CEP170: variants seen among roughly 807,000 people sequenced by gnomAD.
CEP170 encodes the protein centrosomal protein of 170 kDa.
Under a neutral mutation model 151.9 loss-of-function variants are expected in CEP170, and 21 were observed. That is an observed-to-expected ratio of 0.14 (90% CI 0.10 to 0.20). The LOEUF (loss-of-function observed/expected upper bound fraction) is 0.20, where lower values mean the gene tolerates loss of function less well. Among genes scored for constraint, CEP170 ranks in the 10% least tolerant of loss-of-function variants. The pLI, the probability that CEP170 is intolerant of heterozygous loss-of-function variation, is 1.00. For synonymous variants in CEP170, 356 were observed against 648.8 expected (o/e 0.55, Z 6.86); for missense variants, 964 against 1,892.9 (o/e 0.51, Z 9.11).
At chr1:243,171,766 C>G (rs1408574096) in intron 11 of CEP170, among the ~76,000 whole-genome samples, 3 of 152,162 alleles carry the variant, frequency 2.0e-5, no homozygotes, top group Non-Finnish European at 4.4e-5. Context: ...TTATATACTT[C>G]ATTAAATTCT....
chr1:243,163,804 TATTTC>T (rs1209882298), intron 13 of CEP170, among the ~76,000 whole-genome samples: 1 of 152,248 alleles, frequency 6.6e-6, no homozygotes, highest in Non-Finnish European at 1.5e-5. Flanking sequence ...AAACATTGAT[TATTTC>T]ATTTAACTCT....
At position 243,124,972 on chromosome 1, in the gene CEP170, C is replaced by T. The variant is rs948793523; in HGVS notation, c.*1477G>A. 3 of 151,686 alleles carry T rather than the reference C, an allele frequency of 2.0e-5. No homozygotes were observed. The highest frequency in any genetic ancestry group is 7.3e-5 in the African/African-American group (3 of 41,236). The allele number at this position is 151,686 out of a possible 1,614,324, so 9.4% of individuals were successfully genotyped here. The stretch of plus-strand genomic sequence containing the variant: ...TTTTTTTGCATCTTTATTAATTGAT[C>T]CAACAATACAGGATTTAAAAAATCC... On this transcript the variant is annotated 3_prime_UTR_variant, in exon 20 of 20. Transcript: ENST00000366542.
chr1:243,221,059 C>T (rs2062757677), intron 3 of CEP170, among the ~76,000 whole-genome samples: 2 of 152,084 alleles, frequency 1.3e-5, no homozygotes, highest in South Asian at 2.1e-4. Flanking sequence ...CTTGCTTGTT[C>T]TGTCGCCCAG....
chr1:243,184,856 G>A (rs1027155092), intron 10 of CEP170, among the ~76,000 whole-genome samples: 1 of 151,930 alleles, frequency 6.6e-6, no homozygotes, highest in Non-Finnish European at 1.5e-5. Flanking sequence ...TTTTGACTTG[G>A]TATATATAGG....
chr1:243,172,078 A>C (rs552927777), intron 11 of CEP170, among the ~76,000 whole-genome samples: 1 of 152,318 alleles, frequency 6.6e-6, no homozygotes, highest in South Asian at 2.1e-4. Flanking sequence ...TATACTTCTA[A>C]GAAAGTATAA....
At chr1:243,226,731 G>A (rs1000727829) in intron 1 of CEP170, among the ~76,000 whole-genome samples, 2 of 152,144 alleles carry the variant, frequency 1.3e-5, no homozygotes, top group East Asian at 1.9e-4. Context: ...GGCTCACGCC[G>A]GTAATCCCAG....
At chr1:243,233,085 G>A (rs983626997) in intron 1 of CEP170, among the ~76,000 whole-genome samples, 2 of 152,084 alleles carry the variant, frequency 1.3e-5, no homozygotes, top group Non-Finnish European at 2.9e-5. Flanking sequence ...AGTCCTCTTC[G>A]GTTGTCTCTT....
chr1:243,220,330 C>T (rs1315368392), intron 3 of CEP170, among the ~76,000 whole-genome samples: 1 of 151,760 alleles, frequency 6.6e-6, no homozygotes, highest in Admixed American at 6.6e-5. Context: ...GAGCATCAAT[C>T]TGGAAAGGTG....
intron 1 of CEP170, among the ~76,000 whole-genome samples, chr1:243,237,087 C>T (rs548283865): frequency 1.3e-5 from 2 of 152,134 alleles, no homozygotes; most frequent in South Asian, 4.2e-4. Context: ...AAAACTGAAA[C>T]GTCTCAGAGT....
At chr1:243,141,080 C>T (rs6429412) in intron 15 of CEP170, among the ~76,000 whole-genome samples, 6,618 of 152,100 alleles carry the variant, frequency 0.044, 291 homozygotes, top group African/African-American at 0.12. Context: ...AAAAAAGTGA[C>T]CATTAAAGAA....
intron 14 of CEP170, among the ~76,000 whole-genome samples, chr1:243,146,696 A>C (rs1188173665): frequency 6.6e-6 from 1 of 152,100 alleles, no homozygotes; most frequent in Admixed American, 6.5e-5. Flanking sequence ...AGATATTAGC[A>C]AATTAACTTC....
intron 17 of CEP170, among the ~76,000 whole-genome samples, chr1:243,132,843 T>A (rs1416422168): frequency 6.6e-6 from 1 of 152,122 alleles, no homozygotes; most frequent in Non-Finnish European, 1.5e-5. Context: ...GACGGACCTG[T>A]ATTTCAGTAG....
At chr1:243,209,431 C>T (rs2061629144) in intron 4 of CEP170, among the ~76,000 whole-genome samples, 1 of 152,084 alleles carries the variant, frequency 6.6e-6, no homozygotes, top group African/African-American at 2.4e-5. Context: ...AACTGATCTG[C>T]CCACTTTGGC....
chr1:243,218,951 T>C (rs1047902831), intron 3 of CEP170, among the ~76,000 whole-genome samples: 1 of 152,196 alleles, frequency 6.6e-6, no homozygotes, highest in Non-Finnish European at 1.5e-5. Flanking sequence ...AAAGTACTAC[T>C]TTTAACCTGA....
chr1:243,147,920 C>T (rs1175142123), intron 14 of CEP170, among the ~76,000 whole-genome samples: 1 of 152,186 alleles, frequency 6.6e-6, no homozygotes, highest in Non-Finnish European at 1.5e-5. Flanking sequence ...GTGGCTCACG[C>T]CTGTAATCTC....
intron 15 of CEP170, among the ~76,000 whole-genome samples, chr1:243,140,783 A>T (rs2055747963): frequency 6.6e-6 from 1 of 152,230 alleles, no homozygotes; most frequent in South Asian, 2.1e-4. Flanking sequence ...AAACAAAAAG[A>T]AAATAAAGTT....
chr1:243,175,061 T>C (rs1277298001), intron 10 of CEP170: 6 of 152,246 alleles, frequency 3.9e-5, no homozygotes, highest in Non-Finnish European at 8.8e-5. Flanking sequence ...AGAAATTATC[T>C]TGAGTGATTT....
Position 243,135,376 on chromosome 1 carries a change from T to C in CEP170, c.4319+767A>G, listed in dbSNP as rs190234498. ...CGCCCGCCACCACGCCCGGCTAATT[T>C]TTTTGAATTTTAATAGAGACAGGGT... On this transcript the variant is annotated intron_variant, in intron 17 of 19. Coordinates refer to ENST00000366542, the MANE Select transcript of CEP170 (RefSeq NM_014812.3). Among the ~76,000 whole-genome samples the C allele has an allele frequency of 1.7e-4, 26 of 152,130 alleles. No individual in the cohort carries two copies. In the East Asian group the frequency reaches 3.3e-3, roughly 19 times the overall value.
intron 14 of CEP170, among the ~76,000 whole-genome samples, chr1:243,148,471 C>G (rs936358427): frequency 4.6e-5 from 7 of 151,820 alleles, no homozygotes; most frequent in Admixed American, 4.6e-4. Flanking sequence ...CTACTCAGGA[C>G]GCTGAGGCAC....
Sources: gnomAD v4.1 joint callset for allele counts (sites outside exome capture counted in the v4.1 genomes callset) on GRCh38, gnomAD v4.1.1 for gene constraint, MANE v1.5 for transcripts, NCBI Gene and HGNC (gene_info 2026-07-23, HGNC 2026-07-21) for gene names.